DLGAP1: variants seen among roughly 807,000 people sequenced by gnomAD.
DLGAP1 encodes the protein DLG associated protein 1.
DLGAP1 carries 11 observed loss-of-function variants against 90.8 expected under a neutral mutation model. That is an observed-to-expected ratio of 0.12 (90% CI 0.08 to 0.20). The LOEUF (loss-of-function observed/expected upper bound fraction) is 0.20. Among genes scored for constraint, DLGAP1 ranks in the 10% least tolerant of loss-of-function variants. DLGAP1 has a pLI of 1.00. For synonymous variants in DLGAP1, 558 were observed against 540.7 expected (o/e 1.03, Z -0.44); for missense variants, 1,050 against 1,333.8 (o/e 0.79, Z 3.31).
intron 4 of DLGAP1, among the ~76,000 whole-genome samples, chr18:3,819,077 C>T (rs972128790): frequency 2.0e-5 from 3 of 151,342 alleles, no homozygotes; most frequent in African/African-American, 7.3e-5. Context: ...TTTGGGAGGC[C>T]GAGACGGGCA....
chr18:4,203,006 T>C (rs1043019413), intron 1 of DLGAP1, among the ~76,000 whole-genome samples: 1 of 152,194 alleles, frequency 6.6e-6, no homozygotes, highest in Admixed American at 6.5e-5. Context: ...CCAGGTGCCA[T>C]GGCTCATGCC....
intron 1 of DLGAP1, among the ~76,000 whole-genome samples, chr18:4,180,534 A>G (rs1469437086): frequency 2.6e-5 from 4 of 152,102 alleles, no homozygotes; most frequent in Admixed American, 2.6e-4. Context: ...CCGATGGGAG[A>G]ATTATTATTG....
At chr18:3,895,461 C>T (rs1481807863) in intron 3 of DLGAP1, among the ~76,000 whole-genome samples, 1 of 152,154 alleles carries the variant, frequency 6.6e-6, no homozygotes, top group East Asian at 1.9e-4. Flanking sequence ...CACTTGATAT[C>T]ATCCATTGAC....
At chr18:3,873,815 A>G (rs968673890) in intron 4 of DLGAP1, among the ~76,000 whole-genome samples, 1 of 152,176 alleles carries the variant, frequency 6.6e-6, no homozygotes, top group African/African-American at 2.4e-5. Context: ...AACAGTAACT[A>G]TTCAGAATCC....
chr18:3,639,386 G>GAAAAC (rs1379490975), intron 7 of DLGAP1, among the ~76,000 whole-genome samples: 1 of 151,694 alleles, frequency 6.6e-6, no homozygotes, highest in Non-Finnish European at 1.5e-5. Flanking sequence ...GAAAAGAAAA[G>GAAAAC]AAAAGAAAAG....
At chr18:4,222,057 A>G (rs2078088502) in intron 1 of DLGAP1, among the ~76,000 whole-genome samples, 1 of 152,034 alleles carries the variant, frequency 6.6e-6, no homozygotes, top group Non-Finnish European at 1.5e-5. Flanking sequence ...TTAGTTTCTC[A>G]ATTTTCTCTC....
chr18:3,586,260 T>G (rs2055877410), intron 7 of DLGAP1, among the ~76,000 whole-genome samples: 1 of 152,064 alleles, frequency 6.6e-6, no homozygotes, highest in Non-Finnish European at 1.5e-5. Flanking sequence ...ATCTCCCATG[T>G]TGTTATACGG....
chr18:3,543,883 C>G (rs1273638335), intron 9 of DLGAP1, among the ~76,000 whole-genome samples: 1 of 151,718 alleles, frequency 6.6e-6, no homozygotes, highest in Non-Finnish European at 1.5e-5. Flanking sequence ...GAGAACTGCA[C>G]AGAGTGAAGG....
At chr18:4,419,619 T>A (rs937932624) in intron 1 of DLGAP1, among the ~76,000 whole-genome samples, 65 of 151,262 alleles carry the variant, frequency 4.3e-4, no homozygotes, top group African/African-American at 1.4e-3. Context: ...ATTTCAATGT[T>A]AAATTTATGA....
chr18:4,256,882 G>A (rs773868009), intron 1 of DLGAP1, among the ~76,000 whole-genome samples: 10 of 152,248 alleles, frequency 6.6e-5, no homozygotes, highest in Non-Finnish European at 1.0e-4. Context: ...GAAGAAGGGC[G>A]AAGACAGCTG....
At chr18:3,601,843 T>C (rs2057043260) in intron 7 of DLGAP1, among the ~76,000 whole-genome samples, 1 of 12,234 alleles carries the variant, frequency 8.2e-5, no homozygotes, top group African/African-American at 8.7e-4. Context: ...AGACTCCATC[T>C]CGGAAAAAAA....
At chr18:3,666,757 A>AT (rs759656286) in intron 7 of DLGAP1, among the ~76,000 whole-genome samples, 1 of 152,064 alleles carries the variant, frequency 6.6e-6, no homozygotes, top group Non-Finnish European at 1.5e-5. Context: ...TTTTTAAACA[A>AT]TTTTTAAATT....
chr18:4,380,929 C>A (rs542345759), intron 1 of DLGAP1, among the ~76,000 whole-genome samples: 1 of 152,252 alleles, frequency 6.6e-6, no homozygotes, highest in South Asian at 2.1e-4. Context: ...TCCCTATTGA[C>A]CTGATTAAAG....
At chr18:3,701,485 G>A (rs1292322330) in intron 7 of DLGAP1, among the ~76,000 whole-genome samples, 3 of 152,204 alleles carry the variant, frequency 2.0e-5, no homozygotes, top group African/African-American at 7.2e-5. Flanking sequence ...AAAGAAAAAA[G>A]CCGGGCAAAG....
chr18:4,228,369 C>A (rs1445450106), intron 1 of DLGAP1, among the ~76,000 whole-genome samples: 2 of 151,986 alleles, frequency 1.3e-5, no homozygotes, highest in African/African-American at 4.8e-5. Context: ...GATACCAAAA[C>A]AAGACGAAGA....
intron 1 of DLGAP1, among the ~76,000 whole-genome samples, chr18:4,176,854 G>A (rs2077117187): frequency 2.0e-5 from 3 of 152,196 alleles, no homozygotes; most frequent in Admixed American, 6.5e-5. Flanking sequence ...CATGGTAAAT[G>A]ATGGTGATAA....
chr18:3,777,834 G>C (rs9965544), intron 5 of DLGAP1, among the ~76,000 whole-genome samples: 1 of 152,138 alleles, frequency 6.6e-6, no homozygotes, highest in Admixed American at 6.5e-5. Context: ...TGACCCCTCA[G>C]ATATTAAGAG....
intron 3 of DLGAP1, among the ~76,000 whole-genome samples, chr18:3,895,367 G>T (rs148127498): frequency 6.7e-6 from 1 of 149,254 alleles, no homozygotes; most frequent in Non-Finnish European, 1.5e-5. Flanking sequence ...TTAATCTCTC[G>T]TGGAAACAAA....
intron 1 of DLGAP1, among the ~76,000 whole-genome samples, chr18:4,270,326 C>G (rs574291334): frequency 2.0e-5 from 3 of 152,148 alleles, no homozygotes; most frequent in Non-Finnish European, 4.4e-5. Flanking sequence ...CCTCTGGGGA[C>G]AACCTACTCT....
Sources: allele counts gnomAD v4.1 joint callset (sites outside exome capture counted in the v4.1 genomes callset), GRCh38; gene constraint gnomAD v4.1.1; transcripts MANE v1.5; gene names NCBI Gene and HGNC (gene_info 2026-07-23, HGNC 2026-07-21).